Variants in NHEJ1 observed in about 807,000 individuals in gnomAD.
NHEJ1 encodes non-homologous end joining factor 1.
A neutral mutation model predicts 39.4 loss-of-function variants in NHEJ1; 22 were observed. That is an observed-to-expected ratio of 0.56 (90% confidence interval 0.40 to 0.80). The LOEUF (loss-of-function observed/expected upper bound fraction) is 0.80. NHEJ1 is among the 30% of genes least tolerant of loss of function. The pLI, the probability that NHEJ1 is intolerant of heterozygous loss-of-function variation, is 0.00. For missense variants in NHEJ1, 329 were observed against 357.1 expected, an observed-to-expected ratio of 0.92 and a Z score of 0.63; for synonymous variants, 154 against 135.6, an observed-to-expected ratio of 1.14 and a Z score of -0.94.
At chr2:219,129,846 G>A (rs910882772) in intron 5 of NHEJ1, among the ~76,000 whole-genome samples, 23 of 152,322 alleles carry the variant, frequency 1.5e-4, no homozygotes, top group African/African-American at 4.8e-4. Flanking sequence ...AGCCGCCAGG[G>A]CTGCCAGAAA....
intron 5 of NHEJ1, among the ~76,000 whole-genome samples, chr2:219,121,773 C>T (rs1014236947): frequency 6.6e-6 from 1 of 151,732 alleles, no homozygotes; most frequent in Non-Finnish European, 1.5e-5. Flanking sequence ...CTGCAGTGAG[C>T]CCTGATTGCA....
At position 219,071,713 on chromosome 2, in the gene NHEJ1, C is replaced by T. The variant is rs1948958696; in HGVS notation, c.*4668G>A. ...GGACAAGTAATCCTAGCACAATCTT[C>T]CCAGGTGAGTCAATGGCTGTGTGCT... On this transcript the variant is annotated 3_prime_UTR_variant, in exon 8 of 8. Transcript: ENST00000356853. Among the ~76,000 whole-genome samples the T allele has an allele frequency of 6.6e-6, 1 of 152,178 alleles. No individual in the cohort carries two copies. The highest frequency in any genetic ancestry group is 1.5e-5 in the Non-Finnish European group (1 of 68,036).
chr2:219,072,504 T>G lies in NHEJ1; in HGVS notation c.*3877A>C, dbSNP rs184455202. 7.9e-5 allele frequency among the ~76,000 whole-genome samples: 12 copies of G among 152,328 alleles called. No individual in the cohort carries two copies. In the South Asian group the frequency reaches 2.5e-3, roughly 32 times the overall value. On this transcript the variant is annotated 3_prime_UTR_variant, in exon 8 of 8. Coordinates refer to ENST00000356853, the MANE Select transcript of NHEJ1 (RefSeq NM_024782.3). The stretch of plus-strand genomic sequence containing the variant: ...TTAGAAGACAGAAACTACTTCACAG[T>G]AGAGCTTAGAAAAACATATCCTGAT...
At chr2:219,109,623 G>A (rs778313263) in intron 5 of NHEJ1, among the ~76,000 whole-genome samples, 9 of 152,154 alleles carry the variant, frequency 5.9e-5, no homozygotes, top group Non-Finnish European at 1.2e-4. Flanking sequence ...CAGACTCTGC[G>A]TGCTGGAGGC....
chr2:219,094,770 C>T (rs1949191051), intron 5 of NHEJ1, among the ~76,000 whole-genome samples: 2 of 152,094 alleles, frequency 1.3e-5, no homozygotes, highest in African/African-American at 4.8e-5. Context: ...CTCAGGCTCA[C>T]TTAGGAGGCA....
At chr2:219,140,550 C>T (rs1949680691) in intron 5 of NHEJ1, among the ~76,000 whole-genome samples, 1 of 152,098 alleles carries the variant, frequency 6.6e-6, no homozygotes, top group Non-Finnish European at 1.5e-5. Context: ...TCCTGATGGA[C>T]TTTGGCTGTA....
At chr2:219,152,725 C>T (rs1457726681) in intron 3 of NHEJ1, among the ~76,000 whole-genome samples, 3 of 151,986 alleles carry the variant, frequency 2.0e-5, no homozygotes, top group Non-Finnish European at 4.4e-5. Flanking sequence ...TCTTGACCTC[C>T]CAAACTGGTG....
chr2:219,099,079 G>A (rs1255808764), intron 5 of NHEJ1, among the ~76,000 whole-genome samples: 3 of 152,142 alleles, frequency 2.0e-5, no homozygotes, highest in African/African-American at 7.2e-5. Context: ...TTGAGTCAAG[G>A]TAGAGGAAGA....
intron 5 of NHEJ1, among the ~76,000 whole-genome samples, chr2:219,142,936 G>A (rs1226124069): frequency 1.3e-5 from 2 of 152,186 alleles, no homozygotes; most frequent in African/African-American, 4.8e-5. Context: ...CTTAGACAGA[G>A]TGGAAAAACA....
intron 5 of NHEJ1, among the ~76,000 whole-genome samples, chr2:219,096,303 T>C (rs1256077658): frequency 6.6e-6 from 1 of 152,226 alleles, no homozygotes; most frequent in South Asian, 2.1e-4. Context: ...TGTAGAGATA[T>C]ATGAAATTAC....
At position 219,157,462 on chromosome 2, in the gene NHEJ1, T is replaced by C; in HGVS notation, c.390+10A>G. On this transcript the variant is annotated intron_variant, in intron 3 of 7. Coordinates refer to ENST00000356853, the MANE Select transcript of NHEJ1 (RefSeq NM_024782.3). Reference sequence around the variant, plus strand: ...TCCCTCCCCCAACCCCACATTCGAATTACACTTACCAGGGAAGGACTAGCT... The same window carrying C: ...TCCCTCCCCCAACCCCACATTCGAACTACACTTACCAGGGAAGGACTAGCT... 6.2e-7 allele frequency: 1 copy of C among 1,611,992 alleles called. No homozygotes were observed. The highest frequency in any genetic ancestry group is 8.5e-7 in the Non-Finnish European group (1 of 1,178,896).
rs138014354 is a variant in NHEJ1 at position 219,116,248 on chromosome 2, T to C, written c.588+30432A>G. On this transcript the variant is annotated intron_variant, in intron 5 of 7. Transcript: ENST00000356853. ...AGACACTGAATCAAAACGGAGAATC[T>C]GAGAACAGCTGAAAGAGCATTTCTT... Among the ~76,000 whole-genome samples the C allele has an allele frequency of 4.5e-3, 678 of 152,338 alleles. 2 individuals are homozygous for C. The highest frequency in any genetic ancestry group is 7.6e-3 in the Non-Finnish European group (516 of 68,030).
chr2:219,127,877 C>T (rs1949539725), intron 5 of NHEJ1, among the ~76,000 whole-genome samples: 1 of 151,966 alleles, frequency 6.6e-6, no homozygotes, highest in African/African-American at 2.4e-5. Flanking sequence ...ACCATTTAAC[C>T]TTAGAATCAA....
chr2:219,101,061 T>A (rs191026019), intron 5 of NHEJ1, among the ~76,000 whole-genome samples: 1 of 152,240 alleles, frequency 6.6e-6, no homozygotes, highest in Non-Finnish European at 1.5e-5. Flanking sequence ...TATATTCTTA[T>A]GCATTTTGCC....
In NHEJ1 at chr2:219,075,934, G is replaced by A. The variant is rs1949008709; in HGVS notation, c.*447C>T. On this transcript the variant is annotated 3_prime_UTR_variant, in exon 8 of 8. Coordinates refer to ENST00000356853, the MANE Select transcript of NHEJ1 (RefSeq NM_024782.3). Reference sequence around the variant, plus strand: ...GGGACCCAGTGAAGGAAGTGAATTGGGTTATGAGTTCCACAGCATAAGTAA... The same window carrying A: ...GGGACCCAGTGAAGGAAGTGAATTGAGTTATGAGTTCCACAGCATAAGTAA... 5.1e-6 allele frequency: 1 copy of A among 195,744 alleles called. No individual in the cohort carries two copies. The highest frequency in any genetic ancestry group is 1.0e-5 in the Non-Finnish European group (1 of 95,740). 12.1% of individuals were successfully genotyped at this position (195,744 alleles called of 1,614,324 possible). A position where few individuals can be genotyped will look rare whatever the true frequency, so the allele number is the denominator to read the frequency against.
chr2:219,152,619 C>G (rs963150016), intron 3 of NHEJ1, among the ~76,000 whole-genome samples: 2 of 151,906 alleles, frequency 1.3e-5, no homozygotes, highest in Non-Finnish European at 2.9e-5. Context: ...CCACCACACC[C>G]ACCTATTTTT....
chr2:219,122,849 A>C (rs1372164761), intron 5 of NHEJ1, among the ~76,000 whole-genome samples: 2 of 152,204 alleles, frequency 1.3e-5, no homozygotes, highest in Non-Finnish European at 2.9e-5. Flanking sequence ...AGAAGGTCTA[A>C]TATTAACCTT....
At chr2:219,129,156 T>A (rs1949553158) in intron 5 of NHEJ1, among the ~76,000 whole-genome samples, 1 of 152,234 alleles carries the variant, frequency 6.6e-6, no homozygotes, top group South Asian at 2.1e-4. Flanking sequence ...TAAACAGACT[T>A]ACTTGATTGC....
At chr2:219,113,674 CT>C (rs1949385816) in intron 5 of NHEJ1, among the ~76,000 whole-genome samples, 2 of 152,116 alleles carry the variant, frequency 1.3e-5, no homozygotes, top group Admixed American at 6.5e-5. Flanking sequence ...CTCCATAAGT[CT>C]TCGTGTCACC....
Sources: allele counts gnomAD v4.1 joint callset (sites outside exome capture counted in the v4.1 genomes callset), GRCh38; gene constraint gnomAD v4.1.1; transcripts MANE v1.5; gene names NCBI Gene and HGNC (gene_info 2026-07-23, HGNC 2026-07-21).